ANK2: variants seen among roughly 807,000 people sequenced by gnomAD.
ANK2 encodes the protein ankyrin 2.
In ANK2, 83 loss-of-function variants were observed where a neutral mutation model predicts 360.5. The ratio of observed to expected loss-of-function variants is 0.23; its 90% confidence interval spans 0.19 to 0.28. ANK2 has a LOEUF of 0.28. Ranked by LOEUF, ANK2 falls within the 10% of genes least tolerant of loss-of-function variation. ANK2 has a pLI of 1.00. For synonymous variants in ANK2, 1,740 were observed against 1,759.5 expected, an observed-to-expected ratio of 0.99 and a Z score of 0.28; for missense variants, 4,201 against 4,795.7, an observed-to-expected ratio of 0.88 and a Z score of 3.66.
intron 1 of ANK2, among the ~76,000 whole-genome samples, chr4:113,163,590 C>T (rs777261856): frequency 2.6e-4 from 40 of 151,108 alleles, no homozygotes; most frequent in Non-Finnish European, 4.4e-4. Context: ...CATGGAGAAA[C>T]CCCATCTCTA....
chr4:113,325,488 C>T (rs546087421), intron 26 of ANK2, among the ~76,000 whole-genome samples: 1 of 152,126 alleles, frequency 6.6e-6, no homozygotes. Context: ...GAGGTTACAA[C>T]ATTAATTCAA....
At chr4:113,247,790 G>A (rs1426370451) in intron 9 of ANK2, among the ~76,000 whole-genome samples, 1 of 152,174 alleles carries the variant, frequency 6.6e-6, no homozygotes, top group Non-Finnish European at 1.5e-5. Flanking sequence ...TACATATGAT[G>A]TCTCTGTTCA....
At chr4:112,939,906 G>A (rs181151980) in intron 2 of ANK2, among the ~76,000 whole-genome samples, 1 of 152,112 alleles carries the variant, frequency 6.6e-6, no homozygotes, top group Non-Finnish European at 1.5e-5. Context: ...TTGTTTCAAC[G>A]ATCATAATAT....
intron 37 of ANK2, among the ~76,000 whole-genome samples, chr4:113,352,061 G>A (rs75838583): frequency 0.056 from 8,562 of 152,158 alleles, 335 homozygotes; most frequent in Non-Finnish European, 0.087. Context: ...AGTACACTTC[G>A]CCACAGTAAT....
intron 14 of ANK2, among the ~76,000 whole-genome samples, chr4:113,273,848 A>G (rs1563328853): frequency 6.6e-6 from 1 of 152,160 alleles, no homozygotes; most frequent in Non-Finnish European, 1.5e-5. Flanking sequence ...TTTTTGCCAG[A>G]GCCCCATTTC....
chr4:112,888,258 T>A (rs1446569665), intron 1 of ANK2, among the ~76,000 whole-genome samples: 1 of 152,112 alleles, frequency 6.6e-6, no homozygotes, highest in Admixed American at 6.5e-5. Flanking sequence ...GTGGAAATGG[T>A]TAATAGAATG....
the ANK2 span, among the ~76,000 whole-genome samples, chr4:112,726,002 G>T: frequency 6.6e-6 from 1 of 152,170 alleles, no homozygotes; most frequent in African/African-American, 2.4e-5. Flanking sequence ...GAGCACTTGG[G>T]GTGGGGTGGG....
chr4:112,852,505 C>T (rs761318691), intron 1 of ANK2, among the ~76,000 whole-genome samples: 26 of 152,154 alleles, frequency 1.7e-4, no homozygotes, highest in Non-Finnish European at 3.4e-4. Context: ...ATAGGCTAAA[C>T]ACATAGGAAA....
At chr4:112,796,165 C>G in the ANK2 span, among the ~76,000 whole-genome samples, 1 of 151,998 alleles carries the variant, frequency 6.6e-6, no homozygotes, top group Non-Finnish European at 1.5e-5. Flanking sequence ...TGGCTCACAC[C>G]TGTAACCCTA....
chr4:113,146,516 T>A (rs911593755), intron 1 of ANK2, among the ~76,000 whole-genome samples: 1 of 152,228 alleles, frequency 6.6e-6, no homozygotes, highest in Non-Finnish European at 1.5e-5. Flanking sequence ...GCTTTTCTTG[T>A]TATGATAGTA....
intron 3 of ANK2, among the ~76,000 whole-genome samples, chr4:113,196,708 T>C (rs1270610943): frequency 6.6e-6 from 1 of 152,076 alleles, no homozygotes; most frequent in Non-Finnish European, 1.5e-5. Flanking sequence ...AAAAAAATTT[T>C]TTTAGTATAA....
At chr4:112,851,767 G>T (rs2065054237) in intron 1 of ANK2, among the ~76,000 whole-genome samples, 1 of 151,968 alleles carries the variant, frequency 6.6e-6, no homozygotes, top group African/African-American at 2.4e-5. Flanking sequence ...GGCACTACAG[G>T]TGCATGCCAC....
intron 2 of ANK2, among the ~76,000 whole-genome samples, chr4:113,039,847 A>G (rs2062518612): frequency 6.6e-6 from 1 of 152,002 alleles, no homozygotes. Context: ...CCATGGGTAC[A>G]TATCTTTTAA....
intron 2 of ANK2, among the ~76,000 whole-genome samples, chr4:112,958,975 A>G (rs948001949): frequency 6.6e-6 from 1 of 151,826 alleles, no homozygotes; most frequent in Non-Finnish European, 1.5e-5. Context: ...CAGCCTCCTG[A>G]GTAGCTGGGA....
intron 1 of ANK2, among the ~76,000 whole-genome samples, chr4:113,171,427 A>G (rs765640283): frequency 4.6e-5 from 7 of 152,192 alleles, no homozygotes; most frequent in Non-Finnish European, 8.8e-5. Context: ...AATAATGTCA[A>G]TATTCATACA....
intron 14 of ANK2, among the ~76,000 whole-genome samples, chr4:113,273,382 T>TA (rs1309116222): frequency 6.6e-6 from 1 of 152,242 alleles, no homozygotes; most frequent in Non-Finnish European, 1.5e-5. Context: ...AATTCTAGTC[T>TA]AAAATAATCA....
the ANK2 span, among the ~76,000 whole-genome samples, chr4:112,774,481 G>A: frequency 1.3e-5 from 2 of 152,158 alleles, no homozygotes; most frequent in East Asian, 1.9e-4. Flanking sequence ...AGCCGAGATC[G>A]CGCCACGGCA....
At chr4:112,978,590 C>T (rs987930076) in intron 2 of ANK2, among the ~76,000 whole-genome samples, 23 of 152,294 alleles carry the variant, frequency 1.5e-4, no homozygotes, top group African/African-American at 5.1e-4. Flanking sequence ...TCCTTTTGTG[C>T]CTGCCTTATT....
At chr4:112,856,700 C>G (rs2066498735) in intron 1 of ANK2, among the ~76,000 whole-genome samples, 1 of 152,214 alleles carries the variant, frequency 6.6e-6, no homozygotes, top group Non-Finnish European at 1.5e-5. Context: ...TGCACTCCAG[C>G]CTGGGTAACA....
Sources: gnomAD v4.1 joint callset for allele counts (sites outside exome capture counted in the v4.1 genomes callset) on GRCh38, gnomAD v4.1.1 for gene constraint, MANE v1.5 for transcripts, NCBI Gene and HGNC (gene_info 2026-07-23, HGNC 2026-07-21) for gene names.